The following ALK variants were observed in gnomAD, a reference collection of about 807,000 sequenced individuals.
ALK encodes ALK receptor tyrosine kinase.
A neutral mutation model predicts 163.1 loss-of-function variants in ALK; 74 were observed. The observed-to-expected ratio is 0.45, with a 90% confidence interval of 0.38 to 0.55. ALK has a LOEUF of 0.55. ALK is among the 20% of genes least tolerant of loss of function. ALK has a pLI of 0.00. For synonymous variants in ALK, 960 were observed against 843.2 expected, an observed-to-expected ratio of 1.14 and a Z score of -2.40; for missense variants, 2,063 against 2,105.3, an observed-to-expected ratio of 0.98 and a Z score of 0.39.
At chr2:29,881,247 G>C (rs1666857060) in intron 1 of ALK, among the ~76,000 whole-genome samples, 1 of 152,220 alleles carries the variant, frequency 6.6e-6, no homozygotes, top group African/African-American at 2.4e-5. Flanking sequence ...GGGCCACTAA[G>C]TGAACGCTGA....
chr2:29,543,312 T>C (rs920595692), intron 3 of ALK, among the ~76,000 whole-genome samples: 2 of 152,194 alleles, frequency 1.3e-5, no homozygotes, highest in African/African-American at 4.8e-5. Context: ...CATTGATCAG[T>C]CCCTCACATT....
intron 4 of ALK, among the ~76,000 whole-genome samples, chr2:29,427,671 T>C (rs1305837535): frequency 6.7e-6 from 1 of 150,264 alleles, no homozygotes; most frequent in Non-Finnish European, 1.5e-5. Flanking sequence ...TAGAAAAAAA[T>C]GAGATAAAAT....
At chr2:29,670,028 A>G (rs1677634285) in intron 3 of ALK, among the ~76,000 whole-genome samples, 2 of 152,040 alleles carry the variant, frequency 1.3e-5, no homozygotes, top group African/African-American at 4.8e-5. Context: ...TGGGCCTCAT[A>G]TTAGAGTTAT....
At chr2:29,446,175 C>CA (rs371086242) in intron 4 of ALK, among the ~76,000 whole-genome samples, 3,654 of 131,848 alleles carry the variant, frequency 0.028, 57 homozygotes, top group Middle Eastern at 0.078. Context: ...AAACAAACAA[C>CA]AAAAAAAATG....
At chr2:29,440,341 C>T (rs1285821045) in intron 4 of ALK, among the ~76,000 whole-genome samples, 81 of 103,808 alleles carry the variant, frequency 7.8e-4, no homozygotes, top group African/African-American at 2.9e-3. Context: ...TTTTTTGAGA[C>T]GGAGTCTCTG....
intron 9 of ALK, among the ~76,000 whole-genome samples, chr2:29,276,536 G>A (rs1049795632): frequency 6.6e-6 from 1 of 152,150 alleles, no homozygotes; most frequent in Non-Finnish European, 1.5e-5. Flanking sequence ...ATGCAGAACA[G>A]GGCGTGGTCT....
intron 3 of ALK, among the ~76,000 whole-genome samples, chr2:29,671,916 A>C (rs953301317): frequency 6.6e-6 from 1 of 151,996 alleles, no homozygotes; most frequent in African/African-American, 2.4e-5. Context: ...AGAAATTTTT[A>C]GTTTTTAATT....
chr2:29,864,869 T>C (rs958628090), intron 1 of ALK, among the ~76,000 whole-genome samples: 1 of 152,172 alleles, frequency 6.6e-6, no homozygotes, highest in Non-Finnish European at 1.5e-5. Context: ...CAGACATGTA[T>C]AGAACTAGCA....
intron 4 of ALK, among the ~76,000 whole-genome samples, chr2:29,479,418 G>C (rs1488354092): frequency 1.3e-5 from 2 of 152,206 alleles, no homozygotes; most frequent in Non-Finnish European, 2.9e-5. Context: ...CACCCGCTTG[G>C]TGATTTTGGA....
At chr2:29,528,961 C>T (rs1314554421) in intron 4 of ALK, among the ~76,000 whole-genome samples, 1 of 152,198 alleles carries the variant, frequency 6.6e-6, no homozygotes, top group East Asian at 1.9e-4. Context: ...GAGACTCCAG[C>T]CAAAGCCCGG....
intron 1 of ALK, among the ~76,000 whole-genome samples, chr2:29,906,138 AG>A (rs11295585): frequency 0.056 from 8,463 of 152,126 alleles, 772 homozygotes; most frequent in African/African-American, 0.19. Flanking sequence ...CGTGTGGGGC[AG>A]GGGGGAAGAA....
At chr2:29,200,796 T>A (rs1424772089) in intron 26 of ALK, among the ~76,000 whole-genome samples, 1 of 128,344 alleles carries the variant, frequency 7.8e-6, no homozygotes, top group Non-Finnish European at 1.6e-5. Flanking sequence ...TATACATGTA[T>A]ACATATATAT....
Position 29,590,738 on chromosome 2 carries a change from A to G in ALK, c.953-58622T>C, listed in dbSNP as rs575950609. On this transcript the variant is annotated intron_variant, in intron 3 of 28. Transcript: ENST00000389048. ...CTATGTATTCCCACCTGCTCATGCT[A>G]TATTTGGAGTTGAGCCTCATCTCTC... 4.9e-4 allele frequency among the ~76,000 whole-genome samples: 75 copies of G among 152,060 alleles called. No individual in the cohort carries two copies. In the South Asian group the frequency reaches 0.016, roughly 32 times the overall value.
chr2:29,228,821 G>T, intron 16 of ALK, 63 bp downstream of exon 16: 1 of 1,096,538 alleles, frequency 9.1e-7, no homozygotes, highest in South Asian at 1.2e-5. Flanking sequence ...GGCAGGGCAG[G>T]GAGGTGAGGA....
At chr2:29,514,661 A>G (rs1672615153) in intron 4 of ALK, among the ~76,000 whole-genome samples, 1 of 152,130 alleles carries the variant, frequency 6.6e-6, no homozygotes, top group South Asian at 2.1e-4. Context: ...CTCTCCACAC[A>G]TGTGCCTCCG....
chr2:29,700,493 G>A (rs1408784546), intron 2 of ALK, among the ~76,000 whole-genome samples: 8 of 152,256 alleles, frequency 5.3e-5, no homozygotes, highest in Admixed American at 3.9e-4. Flanking sequence ...GCGGTGAGCC[G>A]AGACCCCACC....
intron 4 of ALK, among the ~76,000 whole-genome samples, chr2:29,524,415 CT>C (rs1488064625): frequency 6.6e-6 from 1 of 152,206 alleles, no homozygotes; most frequent in Non-Finnish European, 1.5e-5. Flanking sequence ...GCAAGGCTTT[CT>C]TGGGAAAACA....
intron 3 of ALK, among the ~76,000 whole-genome samples, chr2:29,660,188 T>TGGGCCCA (rs1325155232): frequency 6.6e-6 from 1 of 152,172 alleles, no homozygotes; most frequent in Non-Finnish European, 1.5e-5. Flanking sequence ...TGGTTCCTCT[T>TGGGCCCA]GGGCCCAGGG....
chr2:29,279,521 G>A (rs1665653303), intron 9 of ALK, among the ~76,000 whole-genome samples: 1 of 152,206 alleles, frequency 6.6e-6, no homozygotes, highest in South Asian at 2.1e-4. Context: ...TGGGTGGTAG[G>A]TGATGGGCAG....
Sources: gnomAD v4.1 joint callset for allele counts (sites outside exome capture counted in the v4.1 genomes callset) on GRCh38, gnomAD v4.1.1 for gene constraint, MANE v1.5 for transcripts, NCBI Gene and HGNC (gene_info 2026-07-23, HGNC 2026-07-21) for gene names.